The following DENND1A variants were observed in gnomAD, a reference collection of about 807,000 sequenced individuals.
DENND1A encodes the protein DENN domain-containing protein 1A.
In DENND1A, 51 loss-of-function variants were observed where a neutral mutation model predicts 113.7. The observed-to-expected ratio is 0.45, with a 90% confidence interval of 0.36 to 0.57. The LOEUF (loss-of-function observed/expected upper bound fraction) is 0.57, where lower values mean the gene tolerates loss of function less well. DENND1A is among the 20% of genes least tolerant of loss of function. The pLI, the probability that DENND1A is intolerant of heterozygous loss-of-function variation, is 0.00. For missense variants in DENND1A, 1,258 were observed against 1,395.9 expected, an observed-to-expected ratio of 0.90 and a Z score of 1.57; for synonymous variants, 565 against 570.8, an observed-to-expected ratio of 0.99 and a Z score of 0.14.
intron 2 of DENND1A, among the ~76,000 whole-genome samples, chr9:123,806,358 C>T (rs370329660): frequency 9.2e-5 from 14 of 151,532 alleles, no homozygotes; most frequent in African/African-American, 3.1e-4. Flanking sequence ...TGGGTTCAAG[C>T]GATTCTCCCG....
intron 5 of DENND1A, among the ~76,000 whole-genome samples, chr9:123,753,341 AC>A (rs2070228157): frequency 6.6e-6 from 1 of 152,178 alleles, no homozygotes; most frequent in African/African-American, 2.4e-5. Flanking sequence ...ATAAAAAGGA[AC>A]CTAATAAGTA....
intron 13 of DENND1A, among the ~76,000 whole-genome samples, chr9:123,550,296 G>A (rs975280573): frequency 6.6e-6 from 1 of 152,202 alleles, no homozygotes; most frequent in Non-Finnish European, 1.5e-5. Flanking sequence ...CCCAGCATTC[G>A]CTCCCTGTGG....
intron 5 of DENND1A, among the ~76,000 whole-genome samples, chr9:123,677,102 C>A (rs1449294334): frequency 1.3e-5 from 2 of 152,164 alleles, no homozygotes; most frequent in Non-Finnish European, 2.9e-5. Flanking sequence ...CCTGGCCTCT[C>A]CCAGCACACC....
At chr9:123,451,109 T>G (rs925282312) in intron 17 of DENND1A, among the ~76,000 whole-genome samples, 14 of 152,274 alleles carry the variant, frequency 9.2e-5, no homozygotes, top group African/African-American at 3.4e-4. Flanking sequence ...AGAATATCCA[T>G]TCTATTTCAC....
chr9:123,406,445 T>A (rs1387491407), intron 20 of DENND1A, among the ~76,000 whole-genome samples: 1 of 152,246 alleles, frequency 6.6e-6, no homozygotes, highest in Non-Finnish European at 1.5e-5. Context: ...AGGAAGACGA[T>A]GAGTGGGTGT....
chr9:123,509,308 C>G (rs919720031), intron 13 of DENND1A, among the ~76,000 whole-genome samples: 1 of 152,234 alleles, frequency 6.6e-6, no homozygotes, highest in African/African-American at 2.4e-5. Context: ...GATGGGACAC[C>G]TGGCTTTCCT....
chr9:123,512,503 G>T (rs960180931), intron 13 of DENND1A, among the ~76,000 whole-genome samples: 1 of 152,212 alleles, frequency 6.6e-6, no homozygotes, highest in African/African-American at 2.4e-5. Context: ...AGAGGTGAGT[G>T]TCCTCCTCAG....
At chr9:123,926,567 C>CAAAAAAA (rs746978969) in intron 1 of DENND1A, among the ~76,000 whole-genome samples, 2 of 41,062 alleles carry the variant, frequency 4.9e-5, no homozygotes, top group Admixed American at 2.8e-4. Flanking sequence ...AACTCCATCT[C>CAAAAAAA]AAAAAAAAAA....
intron 13 of DENND1A, among the ~76,000 whole-genome samples, chr9:123,546,309 G>A (rs969517047): frequency 1.3e-5 from 2 of 152,256 alleles, no homozygotes; most frequent in Admixed American, 6.5e-5. Context: ...AGCACTTTGG[G>A]AGGCCAAGGT....
At chr9:123,520,932 G>C (rs1275406507) in intron 13 of DENND1A, among the ~76,000 whole-genome samples, 1 of 152,214 alleles carries the variant, frequency 6.6e-6, no homozygotes, top group African/African-American at 2.4e-5. Flanking sequence ...TATGAGAACA[G>C]TGTCTGGTTT....
At chr9:123,384,088 C>T (rs2042432450) in intron 22 of DENND1A, among the ~76,000 whole-genome samples, 175 bp from the exon 23 acceptor site, 1 of 152,252 alleles carries the variant, frequency 6.6e-6, no homozygotes, top group South Asian at 2.1e-4. Context: ...AGGGTGCAAG[C>T]TGGGCATGCC....
Position 123,792,574 on chromosome 9 carries a change from A to T in DENND1A, c.132+13T>A. The T allele has an allele frequency of 6.2e-7, 1 of 1,611,662 alleles. No homozygotes were observed. The highest frequency in any genetic ancestry group is 8.5e-7 in the Non-Finnish European group (1 of 1,178,752). On this transcript the variant is annotated intron_variant, in intron 3 of 23. Coordinates refer to ENST00000394215, the MANE Select transcript of DENND1A (RefSeq NM_001352964.2). ...AATTTTGTCATGTAAAAAATTAATT[A>T]CGCATTCCGAACCTGGTCACTGTAG...
At chr9:123,403,579 C>A (rs372500256) in intron 20 of DENND1A, 89 bp from the exon 21 acceptor site, 2 of 1,230,888 alleles carry the variant, frequency 1.6e-6, no homozygotes, top group Non-Finnish European at 1.2e-6. Context: ...AAACGGCCCC[C>A]CCAAAAAACG....
At chr9:123,386,354 A>G (rs1159266050) in intron 22 of DENND1A, among the ~76,000 whole-genome samples, 1 of 150,728 alleles carries the variant, frequency 6.6e-6, no homozygotes, top group Non-Finnish European at 1.5e-5. Flanking sequence ...GGATGACACC[A>G]GCTTAGGCCA....
chr9:123,535,556 T>C (rs1353259871), intron 13 of DENND1A, among the ~76,000 whole-genome samples: 5 of 152,250 alleles, frequency 3.3e-5, no homozygotes, highest in Non-Finnish European at 7.3e-5. Flanking sequence ...GTGTTCACTC[T>C]GCTTTAGCCA....
intron 13 of DENND1A, among the ~76,000 whole-genome samples, chr9:123,517,275 C>T (rs2054015802): frequency 7.0e-6 from 1 of 143,120 alleles, no homozygotes; most frequent in Non-Finnish European, 1.5e-5. Flanking sequence ...AACAAAAAAC[C>T]CACAAAACCC....
intron 13 of DENND1A, among the ~76,000 whole-genome samples, chr9:123,536,961 C>T (rs953341121): frequency 6.6e-6 from 1 of 152,084 alleles, no homozygotes; most frequent in Non-Finnish European, 1.5e-5. Context: ...TGAACAACAA[C>T]AACAAAACAC....
At chr9:123,689,813 A>C (rs1308518968) in intron 5 of DENND1A, among the ~76,000 whole-genome samples, 1 of 151,848 alleles carries the variant, frequency 6.6e-6, no homozygotes, top group African/African-American at 2.4e-5. Context: ...CTACAAAAAA[A>C]TACAAAAGTT....
intron 3 of DENND1A, among the ~76,000 whole-genome samples, chr9:123,782,357 A>C (rs1831450664): frequency 6.6e-6 from 1 of 152,238 alleles, no homozygotes; most frequent in African/African-American, 2.4e-5. Context: ...TGAGAATCAT[A>C]AACACATCTG....
Sources: gnomAD v4.1 joint callset for allele counts (sites outside exome capture counted in the v4.1 genomes callset) on GRCh38, gnomAD v4.1.1 for gene constraint, MANE v1.5 for transcripts, NCBI Gene and HGNC (gene_info 2026-07-23, HGNC 2026-07-21) for gene names.